SCCPDH: variants seen among roughly 807,000 people sequenced by gnomAD.
SCCPDH encodes the protein saccharopine dehydrogenase (putative), also known as saccharopine dehydrogenase-like oxidoreductase.
Under a neutral mutation model 51.5 loss-of-function variants are expected in SCCPDH, and 34 were observed. That is an observed-to-expected ratio of 0.66 (90% confidence interval 0.50 to 0.88). SCCPDH has a LOEUF of 0.88. Among genes scored for constraint, SCCPDH ranks in the 40% least tolerant of loss-of-function variants. The pLI is 0.00. For synonymous variants in SCCPDH, 187 were observed against 191.3 expected, an observed-to-expected ratio of 0.98 and a Z score of 0.19; for missense variants, 464 against 527.1, an observed-to-expected ratio of 0.88 and a Z score of 1.17.
intron 3 of SCCPDH, 124 bp downstream of exon 3, chr1:246,736,179 T>G (rs1668586683): frequency 3.1e-6 from 2 of 644,714 alleles, no homozygotes; most frequent in South Asian, 3.7e-5. Flanking sequence ...AGCATTCAGA[T>G]ATGGTATTCG....
rs760692993 is a variant in SCCPDH at position 246,766,043 on chromosome 1, A to G, written c.1103-15A>G. 15 of 1,573,792 alleles carry G rather than the reference A, an allele frequency of 9.5e-6. No individual in the cohort carries two copies. In the East Asian group the frequency reaches 3.1e-4, roughly 33 times the overall value. ...ATGATTCCTTTCTTTTTCCCTGATC[A>G]ACTGTTTTCTGCAGAGGCTGGCTAT... On this transcript the variant is annotated splice_polypyrimidine_tract_variant and intron_variant, in intron 10 of 11. Coordinates refer to ENST00000366510, the MANE Select transcript of SCCPDH (RefSeq NM_016002.3).
intron 9 of SCCPDH, among the ~76,000 whole-genome samples, chr1:246,762,520 G>T (rs770721785): frequency 6.6e-6 from 1 of 152,096 alleles, no homozygotes; most frequent in Non-Finnish European, 1.5e-5. Flanking sequence ...CCACTGCTTT[G>T]GCAGTGATTC....
At chr1:246,750,847 A>G (rs1480520617) in intron 5 of SCCPDH, among the ~76,000 whole-genome samples, 1 of 152,064 alleles carries the variant, frequency 6.6e-6, no homozygotes, top group Admixed American at 6.6e-5. Context: ...TTAAGCCTGG[A>G]CTCCTTCCCC....
At chr1:246,740,930 A>T (rs1023820767) in intron 4 of SCCPDH, among the ~76,000 whole-genome samples, 20 of 152,018 alleles carry the variant, frequency 1.3e-4, no homozygotes, top group African/African-American at 4.8e-4. Flanking sequence ...ATAAAAAAAA[A>T]TTAGCCAGGT....
At chr1:246,731,452 C>CTGG (rs1668488725) in intron 2 of SCCPDH, among the ~76,000 whole-genome samples, 1 of 152,220 alleles carries the variant, frequency 6.6e-6, no homozygotes, top group South Asian at 2.1e-4. Context: ...GATGGGCTCA[C>CTGG]TAGCCAGACA....
At chr1:246,738,696 A>G (rs1668635217) in intron 3 of SCCPDH, among the ~76,000 whole-genome samples, 1 of 151,954 alleles carries the variant, frequency 6.6e-6, no homozygotes, top group Non-Finnish European at 1.5e-5. Flanking sequence ...CTCCACTAAA[A>G]ATAGAAAATT....
chr1:246,753,769 A>T (rs1208533599), intron 5 of SCCPDH, among the ~76,000 whole-genome samples: 1 of 151,452 alleles, frequency 6.6e-6, no homozygotes, highest in African/African-American at 2.4e-5. Context: ...TCCTTTTTAC[A>T]TTGCTCTATC....
chr1:246,742,490 C>T (rs1381108229), intron 4 of SCCPDH, among the ~76,000 whole-genome samples: 1 of 152,188 alleles, frequency 6.6e-6, no homozygotes, highest in Non-Finnish European at 1.5e-5. Flanking sequence ...GTTCTGTGTT[C>T]TTCTGCGGAT....
At chr1:246,739,793 C>G (rs1033816775) in intron 3 of SCCPDH, among the ~76,000 whole-genome samples, 1 of 152,082 alleles carries the variant, frequency 6.6e-6, no homozygotes, top group Non-Finnish European at 1.5e-5. Context: ...CTTTCCTGCT[C>G]TCTGTCTGTA....
At chr1:246,742,406 G>T (rs1668694852) in intron 4 of SCCPDH, among the ~76,000 whole-genome samples, 1 of 152,112 alleles carries the variant, frequency 6.6e-6, no homozygotes, top group African/African-American at 2.4e-5. Context: ...ACACCTAGAA[G>T]TCAGCATTTT....
chr1:246,738,573 T>G (rs1170901772), intron 3 of SCCPDH, among the ~76,000 whole-genome samples: 1 of 150,986 alleles, frequency 6.6e-6, no homozygotes, highest in African/African-American at 2.4e-5. Context: ...TAAAGACAAT[T>G]TATTTTAAAA....
In SCCPDH at chr1:246,762,287, G is replaced by A. The variant is rs1360486435; in HGVS notation, c.991-1959G>A. 2.0e-5 allele frequency among the ~76,000 whole-genome samples: 3 copies of A among 152,214 alleles called. No individual in the cohort carries two copies. The East Asian group carries it at 5.8e-4, about 29-fold the overall frequency. The stretch of plus-strand genomic sequence containing the variant: ...AACCTAATTCAAAAATGAACAGAAG[G>A]ACTTGAAAATATTTTCTGTTATTCT... On this transcript the variant is annotated intron_variant, in intron 9 of 11. Transcript: ENST00000366510.
intron 5 of SCCPDH, among the ~76,000 whole-genome samples, chr1:246,746,244 T>C (rs966640746): frequency 1.3e-5 from 2 of 150,170 alleles, no homozygotes; most frequent in Non-Finnish European, 3.0e-5. Flanking sequence ...TCTAAGGGGG[T>C]CCACGTGAGA....
At chr1:246,762,887 C>T (rs1385485971) in intron 9 of SCCPDH, among the ~76,000 whole-genome samples, 3 of 148,660 alleles carry the variant, frequency 2.0e-5, no homozygotes, top group Admixed American at 6.7e-5. Context: ...GCTTTTTTCA[C>T]TGACACATGC....
chr1:246,738,580 A>T (rs906868220), intron 3 of SCCPDH, among the ~76,000 whole-genome samples: 5 of 151,936 alleles, frequency 3.3e-5, no homozygotes, highest in Admixed American at 2.0e-4. Flanking sequence ...AATTTATTTT[A>T]AAAATGGGCA....
chr1:246,745,875 G>A (rs567331342), intron 5 of SCCPDH, among the ~76,000 whole-genome samples: 5 of 152,082 alleles, frequency 3.3e-5, no homozygotes, highest in East Asian at 1.9e-4. Flanking sequence ...TTGGGAGGCC[G>A]AGGCGGGCAG....
At chr1:246,747,283 T>C (rs1668775450) in intron 5 of SCCPDH, among the ~76,000 whole-genome samples, 1 of 152,228 alleles carries the variant, frequency 6.6e-6, no homozygotes, top group African/African-American at 2.4e-5. Flanking sequence ...ACCCAGTTTA[T>C]ATGTCAAACA....
intron 5 of SCCPDH, among the ~76,000 whole-genome samples, chr1:246,747,173 C>T (rs2102986207): frequency 6.6e-6 from 1 of 152,040 alleles, no homozygotes; most frequent in East Asian, 1.9e-4. Flanking sequence ...TCTTTCTTTT[C>T]TTCTGCTTTT....
intron 4 of SCCPDH, among the ~76,000 whole-genome samples, chr1:246,741,608 C>A (rs1197499383): frequency 6.6e-6 from 1 of 151,752 alleles, no homozygotes. Flanking sequence ...CATCCAGTGG[C>A]ATTTTAGAAG....
Sources: gnomAD v4.1 joint callset for allele counts (sites outside exome capture counted in the v4.1 genomes callset) on GRCh38, gnomAD v4.1.1 for gene constraint, MANE v1.5 for transcripts, NCBI Gene and HGNC (gene_info 2026-07-23, HGNC 2026-07-21) for gene names.